Variants in MTNR1A observed in about 807,000 individuals in gnomAD.
The protein encoded by MTNR1A is melatonin receptor type 1A.
A neutral mutation model predicts 5.5 loss-of-function variants in MTNR1A; 7 were observed. That is an observed-to-expected ratio of 1.28 (90% CI 0.73 to 2.40). The LOEUF is 2.40. Ranked by LOEUF, MTNR1A falls within the 30% of genes most tolerant of loss-of-function variation. The pLI is 0.00. For missense variants in MTNR1A, 441 were observed against 464.4 expected, an observed-to-expected ratio of 0.95 and a Z score of 0.46; for synonymous variants, 196 against 202.7, an observed-to-expected ratio of 0.97 and a Z score of 0.28.
chr4:186,537,537 C>T (rs960310328), intron 1 of MTNR1A, among the ~76,000 whole-genome samples: 4 of 152,182 alleles, frequency 2.6e-5, no homozygotes, highest in African/African-American at 7.2e-5. Flanking sequence ...TAGTTCCAAT[C>T]CTTACTGTGG....
chr4:186,554,938 G>T (rs1486251215), intron 1 of MTNR1A, among the ~76,000 whole-genome samples: 1 of 152,224 alleles, frequency 6.6e-6, no homozygotes, highest in East Asian at 1.9e-4. Context: ...CCAGACGGGG[G>T]TGTCCCCATA....
intron 1 of MTNR1A, among the ~76,000 whole-genome samples, chr4:186,540,343 C>T (rs1239211382): frequency 6.6e-6 from 1 of 152,180 alleles, no homozygotes; most frequent in Non-Finnish European, 1.5e-5. Context: ...AGTTCCACAT[C>T]CCTCAAATAT....
rs568050110 is a variant in MTNR1A, at chr4:186,539,774, T to C, written c.185-5217A>G. On this transcript the variant is annotated intron_variant, in intron 1 of 1. Coordinates refer to ENST00000307161, the MANE Select transcript of MTNR1A (RefSeq NM_005958.4). ...CTGTGAGAAACACATTTCAGTTATT[T>C]ACAACTTCCCAGTCTACATTGTTAT... is the stretch of plus-strand genomic sequence containing the variant. Among the ~76,000 whole-genome samples, 9 of 152,308 alleles carry C rather than the reference T, an allele frequency of 5.9e-5. No homozygotes were observed. The East Asian group carries it at 1.7e-3, about 29-fold the overall frequency.
At chr4:186,550,386 G>A (rs568869753) in intron 1 of MTNR1A, among the ~76,000 whole-genome samples, 1 of 152,276 alleles carries the variant, frequency 6.6e-6, no homozygotes, top group East Asian at 1.9e-4. Context: ...TTCTGTCAGC[G>A]AGGCAACTTA....
chr4:186,538,895 T>A (rs930822059), intron 1 of MTNR1A, among the ~76,000 whole-genome samples: 1 of 152,138 alleles, frequency 6.6e-6, no homozygotes, highest in Non-Finnish European at 1.5e-5. Context: ...ACACTGGTAG[T>A]CACGGCCTGC....
intron 1 of MTNR1A, among the ~76,000 whole-genome samples, chr4:186,541,044 C>A (rs73873638): frequency 6.6e-6 from 1 of 152,260 alleles, no homozygotes; most frequent in Non-Finnish European, 1.5e-5. Flanking sequence ...GGCTCAGAGG[C>A]CACAGCCTGC....
chr4:186,541,305 G>A (rs1447059703), intron 1 of MTNR1A, among the ~76,000 whole-genome samples: 1 of 152,186 alleles, frequency 6.6e-6, no homozygotes, highest in Non-Finnish European at 1.5e-5. Flanking sequence ...CAAACTGGTT[G>A]TTCATTTTTC....
At position 186,533,773 on chromosome 4, in the gene MTNR1A, G is replaced by T; in HGVS notation, c.969C>A (p.Ser323Arg). 6.2e-7 allele frequency: 1 copy of T among 1,614,186 alleles called. No homozygotes were observed. The highest frequency in any genetic ancestry group is 8.5e-7 in the Non-Finnish European group (1 of 1,180,032). ...TAACCCTATCGGCCACGTCGTTAGA[G>T]CTGTCCACAAAGAACACCCTGGCTG... ...LCTARVFFVD[S>R]SNDVADRVKW... The change falls in exon 2 of 2, where the codon AGC becomes AGA. Residue 323 changes from serine (S) to arginine (R), a missense_variant. Physicochemically the swap from Ser to Arg is moderately radical, Grantham distance 110. Coordinates refer to ENST00000307161, the MANE Select transcript of MTNR1A (RefSeq NM_005958.4).
intron 1 of MTNR1A, among the ~76,000 whole-genome samples, chr4:186,549,167 T>C (rs1737217364): frequency 6.6e-6 from 1 of 151,898 alleles, no homozygotes; most frequent in South Asian, 2.1e-4. Context: ...AGCATTTAAA[T>C]AAAGGAGGAG....
chr4:186,545,310 C>T (rs940986282), intron 1 of MTNR1A, among the ~76,000 whole-genome samples: 4 of 152,132 alleles, frequency 2.6e-5, no homozygotes, highest in Admixed American at 6.5e-5. Context: ...CTGTAGCTGC[C>T]CACCGGCACT....
At chr4:186,551,015 C>T (rs1737256370) in intron 1 of MTNR1A, among the ~76,000 whole-genome samples, 1 of 152,170 alleles carries the variant, frequency 6.6e-6, no homozygotes, top group Non-Finnish European at 1.5e-5. Context: ...TCAGTAATTT[C>T]AAATATTGTG....
In MTNR1A at chr4:186,555,403, G is replaced by A; in HGVS notation, c.-38C>T. On this transcript the variant is annotated 5_prime_UTR_variant, in exon 1 of 2. Coordinates refer to ENST00000307161, the MANE Select transcript of MTNR1A (RefSeq NM_005958.4). This position sits in a 1 kb window ranked among gnomAD's most constrained non-coding sequence, Gnocchi z 4.1. Reference sequence around the variant, plus strand: ...CGTCCCGGCCGCGGGGCCATCGCCCGCCTCGTCCGCCCGCCCGACCACTTG... The same window carrying A: ...CGTCCCGGCCGCGGGGCCATCGCCCACCTCGTCCGCCCGCCCGACCACTTG... 7.4e-7 allele frequency: 1 copy of A among 1,352,150 alleles called. No homozygotes were observed. The highest frequency in any genetic ancestry group is 9.5e-7 in the Non-Finnish European group (1 of 1,050,646). 83.8% of individuals were successfully genotyped at this position (1,352,150 alleles called of 1,614,324 possible).
chr4:186,539,280 C>A (rs1335529363), intron 1 of MTNR1A, among the ~76,000 whole-genome samples: 1 of 149,670 alleles, frequency 6.7e-6, no homozygotes, highest in Admixed American at 6.7e-5. Flanking sequence ...GTCATTGCAT[C>A]ACCCTCCAAC....
chr4:186,550,811 T>G (rs1737252720), intron 1 of MTNR1A, among the ~76,000 whole-genome samples: 1 of 152,214 alleles, frequency 6.6e-6, no homozygotes, highest in Non-Finnish European at 1.5e-5. Flanking sequence ...AATCATGTAT[T>G]TGAGAGTCTG....
At chr4:186,547,844 T>C (rs1191180427) in intron 1 of MTNR1A, among the ~76,000 whole-genome samples, 1 of 152,168 alleles carries the variant, frequency 6.6e-6, no homozygotes, top group Non-Finnish European at 1.5e-5. Flanking sequence ...CTTGTTCCCA[T>C]CTGGATTTCA....
At chr4:186,548,812 T>G (rs867238831) in intron 1 of MTNR1A, among the ~76,000 whole-genome samples, 5 of 58,162 alleles carry the variant, frequency 8.6e-5, no homozygotes, top group African/African-American at 3.5e-4. Flanking sequence ...TCTATAAAGA[T>G]ATATATATAT....
At chr4:186,536,013 G>A (rs1736840759) in intron 1 of MTNR1A, among the ~76,000 whole-genome samples, 1 of 152,114 alleles carries the variant, frequency 6.6e-6, no homozygotes, top group Non-Finnish European at 1.5e-5. Flanking sequence ...TTTGGTGCAG[G>A]GGGAAACAGG....
intron 1 of MTNR1A, among the ~76,000 whole-genome samples, chr4:186,545,080 CTT>C (rs1213642706): frequency 1.3e-5 from 2 of 152,196 alleles, no homozygotes. Flanking sequence ...GCTCTCCTCT[CTT>C]TCTTACAAGC....
At chr4:186,548,512 C>T (rs916861282) in intron 1 of MTNR1A, among the ~76,000 whole-genome samples, 3 of 151,822 alleles carry the variant, frequency 2.0e-5, no homozygotes, top group African/African-American at 7.3e-5. Context: ...ACCAAGAATA[C>T]TAACTAACAA....
Sources: gnomAD v4.1 joint callset for allele counts (sites outside exome capture counted in the v4.1 genomes callset) on GRCh38, gnomAD v4.1.1 for gene constraint, Gnocchi (gnomAD v3.1) non-coding constraint, MANE v1.5 for transcripts, NCBI Gene and HGNC (gene_info 2026-07-23, HGNC 2026-07-21) for gene names.